The following SNTG2 variants were observed in gnomAD, a reference collection of about 807,000 sequenced individuals.
SNTG2 encodes gamma-2-syntrophin.
Under a neutral mutation model 70.9 loss-of-function variants are expected in SNTG2, and 74 were observed. The ratio of observed to expected loss-of-function variants is 1.04; its 90% CI spans 0.86 to 1.27. SNTG2 has a LOEUF of 1.27. Among genes scored for constraint, SNTG2 ranks in the 50% most tolerant of loss-of-function variants. The pLI is 0.00. For synonymous variants in SNTG2, 278 were observed against 273.8 expected, an observed-to-expected ratio of 1.02 and a Z score of -0.15; for missense variants, 717 against 690.7, an observed-to-expected ratio of 1.04 and a Z score of -0.43.
intron 1 of SNTG2, among the ~76,000 whole-genome samples, chr2:1,049,406 G>A (rs762297841): frequency 2.0e-5 from 3 of 152,014 alleles, no homozygotes; most frequent in African/African-American, 2.4e-5. Context: ...AGTTGGACTC[G>A]CACAATATGG....
intron 14 of SNTG2, among the ~76,000 whole-genome samples, chr2:1,290,917 A>G (rs1364989631): frequency 6.6e-6 from 1 of 152,208 alleles, no homozygotes; most frequent in Non-Finnish European, 1.5e-5. Flanking sequence ...GAGTTACTGT[A>G]CTGTTTTCCA....
At chr2:1,245,556 C>T (rs1371667432) in intron 11 of SNTG2, among the ~76,000 whole-genome samples, 2 of 152,198 alleles carry the variant, frequency 1.3e-5, no homozygotes, top group Non-Finnish European at 2.9e-5. Flanking sequence ...ATTAATCACG[C>T]ATTGAATTCA....
In SNTG2 at chr2:1,054,152, G is replaced by A. The variant is rs376612849; in HGVS notation, c.73-29366G>A. On this transcript the variant is annotated intron_variant, in intron 1 of 16. Coordinates refer to ENST00000308624, the MANE Select transcript of SNTG2 (RefSeq NM_018968.4). ...GTGTCATTGCCACCCTGATTCAGAC[G>A]GGCGGACCTGAACCTTTGGTTGTTT... Among the ~76,000 whole-genome samples the A allele has an allele frequency of 1.1e-4, 16 of 152,228 alleles. No individual in the cohort carries two copies. In the East Asian group the frequency reaches 1.4e-3, roughly 13 times the overall value.
intron 1 of SNTG2, among the ~76,000 whole-genome samples, chr2:1,031,528 A>ATTTTT (rs745388505): frequency 3.9e-4 from 23 of 59,106 alleles, no homozygotes; most frequent in Non-Finnish European, 5.7e-4. Context: ...ATATATATAT[A>ATTTTT]TTTTTTTTTT....
At chr2:996,104 C>A (rs1381241459) in intron 1 of SNTG2, among the ~76,000 whole-genome samples, 1 of 152,096 alleles carries the variant, frequency 6.6e-6, no homozygotes, top group Non-Finnish European at 1.5e-5. Context: ...TGTGACTGAC[C>A]ATAAACAAAC....
intron 16 of SNTG2, among the ~76,000 whole-genome samples, chr2:1,327,550 TTATC>T (rs1424860824): frequency 6.6e-6 from 1 of 152,174 alleles, no homozygotes; most frequent in African/African-American, 2.4e-5. Flanking sequence ...GCTGTTTAAT[TTATC>T]TATTCATTCT....
At chr2:1,176,938 T>C (rs920911726) in intron 8 of SNTG2, among the ~76,000 whole-genome samples, 2 of 152,198 alleles carry the variant, frequency 1.3e-5, no homozygotes, top group African/African-American at 4.8e-5. Context: ...CTCAAAGGTC[T>C]AGAACCAGAA....
intron 6 of SNTG2, among the ~76,000 whole-genome samples, chr2:1,141,006 A>G (rs1408804556): frequency 1.8e-4 from 27 of 152,232 alleles, no homozygotes; most frequent in Admixed American, 1.6e-3. Context: ...TGTTAGAAAT[A>G]AAGTTGACAT....
chr2:1,002,510 A>G (rs1421065329), intron 1 of SNTG2, among the ~76,000 whole-genome samples: 1 of 152,146 alleles, frequency 6.6e-6, no homozygotes, highest in East Asian at 1.9e-4. Context: ...ATGCTGAACG[A>G]CACTGATCAT....
chr2:1,137,910 TGTTA>T, intron 6 of SNTG2, 101 bp downstream of exon 6: 1 of 1,153,218 alleles, frequency 8.7e-7, no homozygotes, highest in Non-Finnish European at 1.3e-6. Context: ...ATAGATGCAG[TGTTA>T]GAATTGGAAA....
At chr2:1,174,180 A>G (rs1558491456) in intron 8 of SNTG2, among the ~76,000 whole-genome samples, 1 of 152,294 alleles carries the variant, frequency 6.6e-6, no homozygotes, top group East Asian at 1.9e-4. Context: ...TATTGTCCCT[A>G]GCTTTCCATC....
At chr2:1,206,636 G>A (rs1446586628) in intron 8 of SNTG2, among the ~76,000 whole-genome samples, 2 of 152,076 alleles carry the variant, frequency 1.3e-5, no homozygotes. Context: ...TGAAATTCAG[G>A]GTTTATCAGT....
At chr2:1,100,562 G>T (rs1220328363) in intron 4 of SNTG2, among the ~76,000 whole-genome samples, 1 of 152,146 alleles carries the variant, frequency 6.6e-6, no homozygotes, top group African/African-American at 2.4e-5. Flanking sequence ...GCTTGGCAGG[G>T]CCCAGTGCTT....
chr2:1,084,663 G>A (rs1664563999), intron 2 of SNTG2, among the ~76,000 whole-genome samples: 1 of 152,158 alleles, frequency 6.6e-6, no homozygotes, highest in Non-Finnish European at 1.5e-5. Flanking sequence ...TCCCCAAGCT[G>A]GGTAATTTAC....
At chr2:1,038,527 G>A (rs570608251) in intron 1 of SNTG2, among the ~76,000 whole-genome samples, 2 of 152,104 alleles carry the variant, frequency 1.3e-5, no homozygotes, top group Non-Finnish European at 2.9e-5. Context: ...TTCATGTTTG[G>A]CAGCATCCAA....
chr2:991,997 C>T (rs1661511313), intron 1 of SNTG2, among the ~76,000 whole-genome samples: 1 of 152,106 alleles, frequency 6.6e-6, no homozygotes, highest in Non-Finnish European at 1.5e-5. Context: ...TATGACCCAG[C>T]ATGCACCTAT....
rs1220692546 is a variant in SNTG2 at position 1,259,410 on chromosome 2, ACCT to A, written c.1048_1050del (p.Leu350del). On this transcript the variant is annotated inframe_deletion, in exon 13 of 17. Transcript: ENST00000308624. ...TGGGTGCGAGCAGAAAGGACCTATC[ACCT>A]CTGTGAGGTGCTATTTAAAGTTCAC... 6.2e-7 allele frequency: 1 copy of A among 1,613,906 alleles called. No homozygotes were observed. The highest frequency in any genetic ancestry group is 1.1e-5 in the South Asian group (1 of 91,068).
intron 6 of SNTG2, among the ~76,000 whole-genome samples, chr2:1,151,960 A>G (rs1303413960): frequency 6.7e-6 from 1 of 150,086 alleles, no homozygotes; most frequent in Non-Finnish European, 1.5e-5. Context: ...AATATACTCA[A>G]TTTACCAAAT....
At chr2:1,083,439 A>G in intron 1 of SNTG2, 79 bp from the exon 2 acceptor site, 1 of 1,481,290 alleles carries the variant, frequency 6.8e-7, no homozygotes. Flanking sequence ...TGTCTTGAGC[A>G]GGAGGCGTGC....
Sources: allele counts gnomAD v4.1 joint callset (sites outside exome capture counted in the v4.1 genomes callset), GRCh38; gene constraint gnomAD v4.1.1; transcripts MANE v1.5; gene names NCBI Gene and HGNC (gene_info 2026-07-23, HGNC 2026-07-21).